Variants in TANGO6 observed in about 807,000 individuals in gnomAD.
TANGO6 encodes the protein transport and Golgi organization protein 6 homolog.
TANGO6 carries 90 observed loss-of-function variants against 114.2 expected under a neutral mutation model. That is an observed-to-expected ratio of 0.79 (90% CI 0.66 to 0.94). The LOEUF is 0.94. TANGO6 is among the 40% of genes least tolerant of loss of function. The pLI is 0.00. For synonymous variants in TANGO6, 477 were observed against 509.8 expected (o/e 0.94, Z 0.87); for missense variants, 1,274 against 1,315.3 (o/e 0.97, Z 0.49).
chr16:68,924,894 T>C (rs1237232326), intron 12 of TANGO6, among the ~76,000 whole-genome samples: 3 of 152,036 alleles, frequency 2.0e-5, no homozygotes, highest in Non-Finnish European at 4.4e-5. Context: ...AATACCCCCA[T>C]ACAGGTTGTG....
intron 17 of TANGO6, among the ~76,000 whole-genome samples, chr16:69,065,310 G>T (rs1597077559): frequency 1.3e-5 from 2 of 152,344 alleles, no homozygotes; most frequent in South Asian, 2.1e-4. Context: ...ACAGTTAGGT[G>T]TTGGGAGTTC....
At chr16:68,982,069 A>G (rs751168221) in intron 15 of TANGO6, among the ~76,000 whole-genome samples, 1 of 152,226 alleles carries the variant, frequency 6.6e-6, no homozygotes, top group Non-Finnish European at 1.5e-5. Flanking sequence ...ACCAGGCATC[A>G]TAAAATGCAC....
chr16:68,873,114 C>T (rs1205608232), intron 4 of TANGO6, among the ~76,000 whole-genome samples: 1 of 151,786 alleles, frequency 6.6e-6, no homozygotes, highest in Admixed American at 6.6e-5. Flanking sequence ...AACCCTCCCC[C>T]CATGTCCCCC....
intron 15 of TANGO6, among the ~76,000 whole-genome samples, chr16:69,004,537 G>C (rs1181856494): frequency 1.3e-5 from 2 of 151,936 alleles, no homozygotes; most frequent in Non-Finnish European, 2.9e-5. Flanking sequence ...TGTATTTTTA[G>C]TAGAGATGAG....
chr16:69,084,129 GAGT>G lies in TANGO6; in HGVS notation c.*471_*473del, dbSNP rs952866730. The G allele has an allele frequency of 6.5e-6, 1 of 152,894 alleles. No individual in the cohort carries two copies. The highest frequency in any genetic ancestry group is 2.4e-5 in the African/African-American group (1 of 41,474). The allele number at this position is 152,894 out of a possible 1,614,324, so 9.5% of individuals were successfully genotyped here. Reference sequence around the variant, plus strand: ...CCTTGGCTGCTCAAGAGGCATTTCAGAGTAGGAGATGCAGTTGGAGGTGGGGAG... The same window carrying G: ...CCTTGGCTGCTCAAGAGGCATTTCAGAGGAGATGCAGTTGGAGGTGGGGAG... On this transcript the variant is annotated 3_prime_UTR_variant, in exon 18 of 18. Transcript: ENST00000261778.
intron 15 of TANGO6, among the ~76,000 whole-genome samples, chr16:68,980,588 C>T (rs1216868954): frequency 1.3e-5 from 2 of 151,358 alleles, no homozygotes; most frequent in Admixed American, 6.6e-5. Context: ...CTCAGGACTC[C>T]GAGGTGGGAG....
At chr16:68,880,655 T>C in intron 7 of TANGO6, 25 bp downstream of exon 7, 1 of 1,488,966 alleles carries the variant, frequency 6.7e-7, no homozygotes, top group Non-Finnish European at 9.0e-7. Flanking sequence ...TCACTAATGT[T>C]TTTATTTACT....
chr16:69,027,926 G>A (rs747917271), intron 16 of TANGO6, among the ~76,000 whole-genome samples: 2 of 151,496 alleles, frequency 1.3e-5, no homozygotes, highest in African/African-American at 2.4e-5. Context: ...GATTACAGGC[G>A]CCTGCCACCA....
chr16:68,926,078 T>G (rs16958480), intron 12 of TANGO6, among the ~76,000 whole-genome samples: 4,075 of 105,744 alleles, frequency 0.039, 61 homozygotes, highest in African/African-American at 0.065. Flanking sequence ...GAAGAGAAAT[T>G]AAAAAAGAGG....
intron 15 of TANGO6, among the ~76,000 whole-genome samples, chr16:69,018,030 A>T (rs918860638): frequency 6.6e-6 from 1 of 150,776 alleles, no homozygotes; most frequent in African/African-American, 2.4e-5. Flanking sequence ...CAGCCTCCCA[A>T]GTAGCGGGAT....
chr16:69,009,068 A>ATTTTT (rs1964121548), intron 15 of TANGO6, among the ~76,000 whole-genome samples: 1 of 73,200 alleles, frequency 1.4e-5, no homozygotes, highest in African/African-American at 5.6e-5. Flanking sequence ...AGGAGAGTTT[A>ATTTTT]TTTCTTTTTT....
At chr16:69,006,406 G>A (rs1277866486) in intron 15 of TANGO6, among the ~76,000 whole-genome samples, 1 of 152,058 alleles carries the variant, frequency 6.6e-6, no homozygotes, top group Non-Finnish European at 1.5e-5. Context: ...AGATTCTCCA[G>A]TCCTCGTTCT....
chr16:68,959,165 C>T (rs748405629), intron 14 of TANGO6, among the ~76,000 whole-genome samples: 1 of 152,190 alleles, frequency 6.6e-6, no homozygotes, highest in Non-Finnish European at 1.5e-5. Flanking sequence ...TGTGACACTA[C>T]AGTTTTAAGT....
At chr16:69,055,569 G>A (rs1960020047) in intron 17 of TANGO6, among the ~76,000 whole-genome samples, 1 of 152,242 alleles carries the variant, frequency 6.6e-6, no homozygotes, top group African/African-American at 2.4e-5. Flanking sequence ...CAGGTGTGGT[G>A]TGTGGGGTTG....
At chr16:69,000,134 G>A (rs1964027226) in intron 15 of TANGO6, among the ~76,000 whole-genome samples, 1 of 152,196 alleles carries the variant, frequency 6.6e-6, no homozygotes, top group Non-Finnish European at 1.5e-5. Flanking sequence ...TGTACACTAA[G>A]TCATATCAGA....
At chr16:68,884,674 A>G (rs148951212) in intron 7 of TANGO6, among the ~76,000 whole-genome samples, 1 of 152,186 alleles carries the variant, frequency 6.6e-6, no homozygotes, top group Non-Finnish European at 1.5e-5. Context: ...CAAACCCTTT[A>G]TGGTATGCCT....
At chr16:69,021,855 A>G (rs1045179495) in intron 15 of TANGO6, among the ~76,000 whole-genome samples, 25 of 145,122 alleles carry the variant, frequency 1.7e-4, no homozygotes, top group African/African-American at 6.1e-4. Flanking sequence ...TGATATATAC[A>G]TTTTTTGTAT....
intron 17 of TANGO6, among the ~76,000 whole-genome samples, chr16:69,046,843 A>C (rs889845600): frequency 9.9e-5 from 15 of 152,138 alleles, no homozygotes; most frequent in African/African-American, 3.6e-4. Context: ...AAATTATATA[A>C]TGTGAAGAAC....
At chr16:68,935,286 C>G (rs1490032337) in intron 14 of TANGO6, among the ~76,000 whole-genome samples, 2 of 152,016 alleles carry the variant, frequency 1.3e-5, no homozygotes, top group African/African-American at 4.8e-5. Flanking sequence ...TAAAGTTTTC[C>G]TTTTTTGAGC....
Sources: gnomAD v4.1 joint callset for allele counts (sites outside exome capture counted in the v4.1 genomes callset) on GRCh38, gnomAD v4.1.1 for gene constraint, MANE v1.5 for transcripts, NCBI Gene and HGNC (gene_info 2026-07-23, HGNC 2026-07-21) for gene names.